The following RTN3 variants were observed in gnomAD, a reference collection of about 807,000 sequenced individuals.
RTN3 encodes reticulon 3.
RTN3 carries 49 observed loss-of-function variants against 77.8 expected under a neutral mutation model. The ratio of observed to expected loss-of-function variants is 0.63; its 90% CI spans 0.50 to 0.80. The LOEUF is 0.80. RTN3 is among the 30% of genes least tolerant of loss of function. The probability of loss-of-function intolerance (pLI) is 0.00; values close to 1 mark genes in which losing one functional copy is unlikely to be tolerated. For synonymous variants in RTN3, 464 were observed against 446.9 expected (o/e 1.04, Z -0.48); for missense variants, 1,236 against 1,211.9 (o/e 1.02, Z -0.29).
chr11:63,682,622 A>G (rs552822751), intron 1 of RTN3, among the ~76,000 whole-genome samples: 2 of 150,634 alleles, frequency 1.3e-5, no homozygotes, highest in East Asian at 2.0e-4. Flanking sequence ...TGATCGAAGT[A>G]TAACAAAGGG....
chr11:63,682,106 G>T (rs183959027), intron 1 of RTN3, among the ~76,000 whole-genome samples: 3 of 152,314 alleles, frequency 2.0e-5, no homozygotes, highest in African/African-American at 4.8e-5. Flanking sequence ...GGTGAACCTG[G>T]GTGATTTAGT....
intron 3 of RTN3, among the ~76,000 whole-genome samples, chr11:63,739,932 C>T (rs534693881): frequency 2.0e-5 from 3 of 152,126 alleles, no homozygotes; most frequent in African/African-American, 7.2e-5. Flanking sequence ...GATGGTAGAA[C>T]TATTTTCTGA....
chr11:63,709,577 CT>C (rs150415176), intron 2 of RTN3, among the ~76,000 whole-genome samples: 133 of 144,076 alleles, frequency 9.2e-4, no homozygotes, highest in African/African-American at 3.1e-3. Flanking sequence ...CAGTTACAGC[CT>C]TTTTTTAAAA....
chr11:63,746,220 A>C (rs916421913), intron 3 of RTN3, among the ~76,000 whole-genome samples: 9 of 152,114 alleles, frequency 5.9e-5, no homozygotes, highest in African/African-American at 1.9e-4. Context: ...TCATTCTCTA[A>C]GTTTCCTCTT....
intron 7 of RTN3, among the ~76,000 whole-genome samples, chr11:63,755,388 G>A (rs1189725501): frequency 1.3e-5 from 2 of 152,154 alleles, no homozygotes; most frequent in African/African-American, 2.4e-5. Context: ...GCTCATGTCT[G>A]TAATCCCAGC....
chr11:63,704,880 C>A lies in RTN3; in HGVS notation c.172C>A (p.Pro58Thr), dbSNP rs1482089954. 5 of 1,612,028 alleles carry A rather than the reference C, an allele frequency of 3.1e-6. No homozygotes were observed. The African/African-American group carries it at 5.3e-5, about 17-fold the overall frequency. ...DSFVSSSSSQ[P>T]VSLFSTSQEG... is the part of the protein sequence containing the mutation. Reference sequence around the variant, plus strand: ...CTTTGTTTCTTCCTCTTCCTCTCAGCCTGTATCTCTATTTTCGACCTCACA... The same window carrying A: ...CTTTGTTTCTTCCTCTTCCTCTCAGACTGTATCTCTATTTTCGACCTCACA... The change falls in exon 2 of 9, where the codon CCT becomes ACT. Residue 58 changes from proline to threonine, a missense_variant. Coordinates refer to ENST00000377819, the MANE Select transcript of RTN3 (RefSeq NM_001265589.2).
At chr11:63,695,492 G>A (rs1941891708) in intron 1 of RTN3, among the ~76,000 whole-genome samples, 1 of 152,186 alleles carries the variant, frequency 6.6e-6, no homozygotes, top group Admixed American at 6.5e-5. Context: ...AGTACAGTGT[G>A]GAAGGGTGGG....
intron 3 of RTN3, among the ~76,000 whole-genome samples, chr11:63,734,360 T>C (rs185823562): frequency 6.6e-6 from 1 of 151,836 alleles, no homozygotes; most frequent in East Asian, 1.9e-4. Flanking sequence ...GGCAGGAGAA[T>C]CCCTTGAACT....
intron 3 of RTN3, among the ~76,000 whole-genome samples, chr11:63,723,796 A>G (rs61928212): frequency 0.11 from 16,666 of 152,240 alleles, 1,033 homozygotes; most frequent in South Asian, 0.16. Flanking sequence ...TGCTTTAATT[A>G]TATTCTGCCT....
intron 3 of RTN3, among the ~76,000 whole-genome samples, chr11:63,729,875 C>G (rs1316510842): frequency 6.6e-6 from 1 of 151,078 alleles, no homozygotes; most frequent in Non-Finnish European, 1.5e-5. Flanking sequence ...CTCACTGTAC[C>G]TCAACCTCCC....
rs771810499 is a variant in RTN3, at chr11:63,718,987, T to G, written c.485T>G (p.Phe162Cys). The G allele has an allele frequency of 4.3e-6, 7 of 1,614,154 alleles. No homozygotes were observed. In the South Asian group the frequency reaches 7.7e-5, roughly 18 times the overall value. Residue 162 changes from phenylalanine to cysteine, a missense_variant, in exon 3 of 9, where the codon TTC becomes TGC. Physicochemically the swap from Phe to Cys is radical, Grantham distance 205. Transcript: ENST00000377819. Reference protein sequence around the residue: ...HCDRPSIPASFPEHPAFLSKK... With the variant: ...HCDRPSIPASCPEHPAFLSKK... ...GACCGTCCTTCTATTCCAGCCAGTT[T>G]CCCAGAGCATCCTGCTTTTCTCTCA...
intron 3 of RTN3, among the ~76,000 whole-genome samples, chr11:63,738,711 A>G (rs919387409): frequency 1.3e-5 from 2 of 152,046 alleles, no homozygotes; most frequent in South Asian, 2.1e-4. Flanking sequence ...CCTTTTCAGA[A>G]TAAGTATTTG....
At chr11:63,697,798 TA>T (rs1435480380) in intron 1 of RTN3, among the ~76,000 whole-genome samples, 3 of 152,082 alleles carry the variant, frequency 2.0e-5, no homozygotes, top group Admixed American at 6.6e-5. Flanking sequence ...TTCAATCCCA[TA>T]TCTTCTAGCA....
intron 1 of RTN3, among the ~76,000 whole-genome samples, chr11:63,683,217 A>T (rs1280084032): frequency 6.6e-6 from 1 of 152,230 alleles, no homozygotes; most frequent in East Asian, 1.9e-4. Context: ...AGAATGAGGC[A>T]GCAAATTTAG....
chr11:63,724,406 A>G (rs1481925123), intron 3 of RTN3, among the ~76,000 whole-genome samples: 1 of 146,930 alleles, frequency 6.8e-6, no homozygotes, highest in African/African-American at 2.5e-5. Flanking sequence ...GATGGCCTCA[A>G]TCTCCTGACC....
chr11:63,730,956 A>G (rs1317127072), intron 3 of RTN3, among the ~76,000 whole-genome samples: 64 of 152,254 alleles, frequency 4.2e-4, no homozygotes, highest in Admixed American at 4.1e-3. Context: ...TGGTGGTTAT[A>G]GAACACTACT....
chr11:63,740,106 G>A, intron 3 of RTN3, among the ~76,000 whole-genome samples: 1 of 152,094 alleles, frequency 6.6e-6, no homozygotes, highest in Non-Finnish European at 1.5e-5. Flanking sequence ...CTGCCCCATA[G>A]GTGATGTATC....
intron 2 of RTN3, among the ~76,000 whole-genome samples, chr11:63,709,112 A>G (rs1005709395): frequency 6.6e-6 from 1 of 152,222 alleles, no homozygotes; most frequent in African/African-American, 2.4e-5. Flanking sequence ...AGCCGTGGTC[A>G]TAACTGCTGT....
At chr11:63,699,557 G>A (rs544293443) in intron 1 of RTN3, among the ~76,000 whole-genome samples, 3 of 152,184 alleles carry the variant, frequency 2.0e-5, no homozygotes, top group South Asian at 2.1e-4. Context: ...TCTAAAACAC[G>A]TGATATTGTC....
Sources: gnomAD v4.1 joint callset for allele counts (sites outside exome capture counted in the v4.1 genomes callset) on GRCh38, gnomAD v4.1.1 for gene constraint, MANE v1.5 for transcripts, NCBI Gene and HGNC (gene_info 2026-07-23, HGNC 2026-07-21) for gene names.